Variants in CAMTA1 observed in about 807,000 individuals in gnomAD.
CAMTA1 encodes calmodulin-binding transcription activator 1.
A neutral mutation model predicts 170.9 loss-of-function variants in CAMTA1; 27 were observed. The observed-to-expected ratio is 0.16, with a 90% CI of 0.12 to 0.22. CAMTA1 has a LOEUF of 0.22. Ranked by LOEUF, CAMTA1 falls within the 10% of genes least tolerant of loss-of-function variation. The probability of loss-of-function intolerance (pLI) is 1.00; values close to 1 mark genes in which losing one functional copy is unlikely to be tolerated. For missense variants in CAMTA1, 1,619 were observed against 2,217.2 expected, an observed-to-expected ratio of 0.73 and a Z score of 5.42; for synonymous variants, 833 against 891.5, an observed-to-expected ratio of 0.93 and a Z score of 1.17.
rs576643402 is a variant in CAMTA1 at position 7,753,840 on chromosome 1, T to C, written c.4958+1307T>C. Among the ~76,000 whole-genome samples the C allele has an allele frequency of 2.0e-5, 3 of 152,332 alleles. No individual in the cohort carries two copies. The East Asian group carries it at 5.8e-4, about 29-fold the overall frequency. The stretch of plus-strand genomic sequence containing the variant: ...TGCAAGGATGGGAGATTTTTCACCA[T>C]GATAGCTAATGAGTAACATACCAGT... On this transcript the variant is annotated intron_variant, in intron 21 of 22. Transcript: ENST00000303635.
Position 7,422,812 on chromosome 1 carries a change from A to G in CAMTA1, c.439-45018A>G, listed in dbSNP as rs190982533. ...CTCCCTGCAGTCCCCACACCCCCCT[A>G]CATTGGGGTCTGCAAGCACCAAGTG... On this transcript the variant is annotated intron_variant, in intron 5 of 22. Coordinates refer to ENST00000303635, the MANE Select transcript of CAMTA1 (RefSeq NM_015215.4). Among the ~76,000 whole-genome samples the G allele has an allele frequency of 7.9e-5, 12 of 152,196 alleles. No homozygotes were observed. The East Asian group carries it at 2.3e-3, about 29-fold the overall frequency.
At chr1:7,271,146 T>C (rs964233336) in intron 5 of CAMTA1, among the ~76,000 whole-genome samples, 2 of 152,136 alleles carry the variant, frequency 1.3e-5, no homozygotes, top group African/African-American at 4.8e-5. Context: ...AATGAGGTCA[T>C]AGGGATGTAC....
intron 3 of CAMTA1, among the ~76,000 whole-genome samples, chr1:7,084,624 C>A (rs1640478616): frequency 1.3e-5 from 2 of 152,340 alleles, no homozygotes; most frequent in African/African-American, 4.8e-5. Flanking sequence ...GAAGCGTGTG[C>A]TATGGAACAG....
intron 3 of CAMTA1, among the ~76,000 whole-genome samples, chr1:6,972,905 G>A (rs1173837011): frequency 1.3e-5 from 2 of 152,040 alleles, no homozygotes; most frequent in African/African-American, 4.8e-5. Context: ...AGGCTGGAGT[G>A]CAGCGGTGTG....
chr1:7,110,012 A>C (rs1294855674), intron 4 of CAMTA1, among the ~76,000 whole-genome samples: 1 of 152,188 alleles, frequency 6.6e-6, no homozygotes, highest in East Asian at 1.9e-4. Flanking sequence ...GGAAGTGAGC[A>C]TGGGTCTTTC....
At chr1:7,590,520 C>A (rs1025934860) in intron 6 of CAMTA1, among the ~76,000 whole-genome samples, 1 of 152,230 alleles carries the variant, frequency 6.6e-6, no homozygotes, top group Non-Finnish European at 1.5e-5. Flanking sequence ...GACAGTCTGG[C>A]TTTGCTGCCT....
At chr1:6,872,602 T>C (rs1156290256) in intron 3 of CAMTA1, among the ~76,000 whole-genome samples, 1 of 152,214 alleles carries the variant, frequency 6.6e-6, no homozygotes, top group Non-Finnish European at 1.5e-5. Context: ...CAATACCAGA[T>C]TGATTTCTGC....
At chr1:7,250,903 G>A (rs1262788040) in intron 5 of CAMTA1, among the ~76,000 whole-genome samples, 2 of 152,198 alleles carry the variant, frequency 1.3e-5, no homozygotes, top group Non-Finnish European at 2.9e-5. Flanking sequence ...TGCTCTGGGC[G>A]CACCTCTAGG....
chr1:7,403,214 C>G (rs549841003), intron 5 of CAMTA1, among the ~76,000 whole-genome samples: 1 of 151,952 alleles, frequency 6.6e-6, no homozygotes, highest in Non-Finnish European at 1.5e-5. Context: ...ATTAGCCAGG[C>G]GTGATGACGG....
intron 4 of CAMTA1, among the ~76,000 whole-genome samples, chr1:7,240,802 G>T (rs1558295212): frequency 6.6e-6 from 1 of 152,044 alleles, no homozygotes; most frequent in East Asian, 1.9e-4. Context: ...CACCACACCT[G>T]GTCTGGAGTC....
intron 3 of CAMTA1, among the ~76,000 whole-genome samples, chr1:6,916,028 G>A (rs1398416784): frequency 6.6e-6 from 1 of 152,174 alleles, no homozygotes; most frequent in South Asian, 2.1e-4. Flanking sequence ...AGTCTCCTGG[G>A]CATGCCTGTG....
Position 7,585,006 on chromosome 1 carries a change from A to T in CAMTA1, c.511-55394A>T, listed in dbSNP as rs988064535. ...ATGGTACATAGACCATATATTATGT[A>T]ATGTCCCCGGCGGGATGTGGAGTAG... On this transcript the variant is annotated intron_variant, in intron 6 of 22. Coordinates refer to ENST00000303635, the MANE Select transcript of CAMTA1 (RefSeq NM_015215.4). The surrounding 1 kb of genome is among the most constrained non-coding windows in gnomAD (Gnocchi z 4.8). Among the ~76,000 whole-genome samples, 2 of 152,228 alleles carry T rather than the reference A, an allele frequency of 1.3e-5. No individual in the cohort carries two copies. Among genetic ancestry groups the T allele is most frequent in the Admixed American group, 1.3e-4 (2 of 15,290 alleles).
intron 5 of CAMTA1, among the ~76,000 whole-genome samples, chr1:7,257,755 G>T (rs558101628): frequency 7.2e-5 from 11 of 152,004 alleles, no homozygotes; most frequent in Non-Finnish European, 1.6e-4. Flanking sequence ...AATATTGTCC[G>T]TTGCTTTTGT....
At chr1:6,993,988 A>T (rs1298931888) in intron 3 of CAMTA1, among the ~76,000 whole-genome samples, 2 of 151,928 alleles carry the variant, frequency 1.3e-5, no homozygotes, top group East Asian at 3.9e-4. Context: ...GCATGTTTTG[A>T]ATTTTTTGGT....
chr1:7,137,982 TTTTA>T (rs1246239900), intron 4 of CAMTA1, among the ~76,000 whole-genome samples: 2 of 152,120 alleles, frequency 1.3e-5, no homozygotes, highest in African/African-American at 2.4e-5. Context: ...GTACATTTTA[TTTTA>T]TTTATTTATT....
chr1:7,155,151 C>T (rs1406072351), intron 4 of CAMTA1, among the ~76,000 whole-genome samples: 1 of 152,114 alleles, frequency 6.6e-6, no homozygotes, highest in Non-Finnish European at 1.5e-5. Flanking sequence ...GAAGCCTGTG[C>T]CGGGGCAGCA....
At chr1:6,891,350 C>T (rs1674458305) in intron 3 of CAMTA1, among the ~76,000 whole-genome samples, 1 of 152,146 alleles carries the variant, frequency 6.6e-6, no homozygotes, top group Admixed American at 6.5e-5. Context: ...GCCTATTTAC[C>T]ACTTTGCTAA....
At chr1:7,467,366 G>A (rs538678372) in intron 5 of CAMTA1, among the ~76,000 whole-genome samples, 89 of 152,264 alleles carry the variant, frequency 5.8e-4, no homozygotes, top group African/African-American at 1.7e-3. Context: ...GGCTCGTACC[G>A]GCCAGGGCCC....
chr1:7,139,665 T>C (rs1041742041), intron 4 of CAMTA1, among the ~76,000 whole-genome samples: 1 of 152,200 alleles, frequency 6.6e-6, no homozygotes, highest in African/African-American at 2.4e-5. Context: ...TTGGATGACA[T>C]ATTCCTTGGC....
Sources: gnomAD v4.1 joint callset for allele counts (sites outside exome capture counted in the v4.1 genomes callset) on GRCh38, gnomAD v4.1.1 for gene constraint, Gnocchi (gnomAD v3.1) non-coding constraint, MANE v1.5 for transcripts, NCBI Gene and HGNC (gene_info 2026-07-23, HGNC 2026-07-21) for gene names.